Variants in DST observed in about 807,000 individuals in gnomAD.
DST encodes the protein bullous pemphigoid antigen.
DST carries 253 observed loss-of-function variants against 875.2 expected under a neutral mutation model. The ratio of observed to expected loss-of-function variants is 0.29; its 90% CI spans 0.26 to 0.32. The LOEUF (loss-of-function observed/expected upper bound fraction) is 0.32, where lower values mean the gene tolerates loss of function less well. Ranked by LOEUF, DST falls within the 10% of genes least tolerant of loss-of-function variation. The pLI is 1.00. For missense variants in DST, 8,287 were observed against 9,111.6 expected, an observed-to-expected ratio of 0.91 and a Z score of 3.68; for synonymous variants, 3,124 against 3,197.1, an observed-to-expected ratio of 0.98 and a Z score of 0.77.
intron 36 of DST, chr6:56,617,366 T>C (rs752786327): frequency 1.2e-6 from 2 of 1,613,838 alleles, no homozygotes; most frequent in Non-Finnish European, 1.7e-6. Context: ...GTTCTTTTCT[T>C]GTTTTAATGT....
At position 56,949,933 on chromosome 6, in the gene DST, C is replaced by T. The variant is rs1474864483; in HGVS notation, c.216+3852G>A. 2.0e-5 allele frequency among the ~76,000 whole-genome samples: 3 copies of T among 152,286 alleles called. No individual in the cohort carries two copies. In the East Asian group the frequency reaches 5.8e-4, roughly 29 times the overall value. ...GAGGAACATAATGAGGACAACAGGG[C>T]TTAGGTGGACCATTGTTTCATTTAG... On this transcript the variant is annotated intron_variant, in intron 2 of 103. Transcript: ENST00000680361.
At chr6:56,920,907 T>A (rs1803854662) in intron 2 of DST, among the ~76,000 whole-genome samples, 1 of 136,470 alleles carries the variant, frequency 7.3e-6, no homozygotes, top group Non-Finnish European at 1.6e-5. Context: ...TTTTTTTTTT[T>A]TTTTTTTTTT....
chr6:56,817,913 T>C, intron 4 of DST, among the ~76,000 whole-genome samples: 1 of 152,184 alleles, frequency 6.6e-6, no homozygotes, highest in East Asian at 1.9e-4. Flanking sequence ...GAGACTAGCC[T>C]GGATTATCCA....
At position 56,557,460 on chromosome 6, in the gene DST, T is replaced by G; in HGVS notation, c.14499A>C (p.Glu4833Asp). 1 of 1,613,712 alleles carries G rather than the reference T, an allele frequency of 6.2e-7. No homozygotes were observed. The highest frequency in any genetic ancestry group is 2.2e-5 in the East Asian group (1 of 44,870). The change falls in exon 59 of 104, where the codon GAA becomes GAC. Residue 4833 changes from glutamate (E) to aspartate (D), a missense_variant. Glu to Asp is a conservative substitution (Grantham distance 45). Coordinates refer to ENST00000680361, the MANE Select transcript of DST (RefSeq NM_001374736.1). ...GGAACTGGGTTAGATTATTGGAGGA[T>G]TCTTCCAGTTTTTGTTGTCTATCAA... ...LTIDRQQKLE[E>D]SSNNLTQFQT...
intron 61 of DST, among the ~76,000 whole-genome samples, chr6:56,550,121 C>A (rs1459447349): frequency 6.6e-6 from 1 of 152,280 alleles, no homozygotes; most frequent in East Asian, 1.9e-4. Flanking sequence ...GGAATACACA[C>A]ACACACATAC....
In DST at chr6:56,486,387, AGGATTTTTTC is replaced by A. The variant is rs2095567170; in HGVS notation, c.21047+707_21047+716del. ...CAAAAAAAAAAAAAAAAAAAAAAAA[AGGATTTTTTC>A]AAAACTAACATGACAAAAACTTACT... On this transcript the variant is annotated intron_variant, in intron 87 of 103. Coordinates refer to ENST00000680361, the MANE Select transcript of DST (RefSeq NM_001374736.1). 2.2e-3 allele frequency among the ~76,000 whole-genome samples: 326 copies of A among 148,280 alleles called. 14 individuals are homozygous for A. The highest frequency in any genetic ancestry group is 3.7e-3 in the Non-Finnish European group (247 of 66,832).
At chr6:56,824,341 C>G (rs926888303) in intron 4 of DST, among the ~76,000 whole-genome samples, 2 of 152,196 alleles carry the variant, frequency 1.3e-5, no homozygotes, top group African/African-American at 4.8e-5. Context: ...AATGCAGTGG[C>G]GTGATCTCGG....
At chr6:56,933,519 C>T (rs1017705013) in intron 2 of DST, among the ~76,000 whole-genome samples, 10 of 152,152 alleles carry the variant, frequency 6.6e-5, no homozygotes, top group African/African-American at 2.4e-4. Context: ...GGTGAGCAGG[C>T]CCCAGTTAGT....
rs560363435 is a variant in DST, at chr6:56,618,871, G to A, written c.4930-4387C>T. On this transcript the variant is annotated intron_variant, in intron 36 of 103. Transcript: ENST00000680361. ...CCTCTATGGTCTTTAAGTGTAATTC[G>A]TCTTGTACTTTTTTCAACCTGTTAT... 55 of 1,614,006 alleles carry A rather than the reference G, an allele frequency of 3.4e-5. No individual in the cohort carries two copies. In the South Asian group the frequency reaches 4.4e-4, roughly 13 times the overall value.
chr6:56,576,863 GCCT>G (rs1476693051), intron 50 of DST, among the ~76,000 whole-genome samples: 1 of 152,232 alleles, frequency 6.6e-6, no homozygotes, highest in East Asian at 1.9e-4. Flanking sequence ...CTGATTTCCA[GCCT>G]CCAGAACTAT....
At chr6:56,778,722 T>C (rs1335461733) in intron 4 of DST, among the ~76,000 whole-genome samples, 1 of 152,050 alleles carries the variant, frequency 6.6e-6, no homozygotes, top group Non-Finnish European at 1.5e-5. Context: ...CTCATCATTT[T>C]TTATGGCTGT....
Position 56,649,594 on chromosome 6 carries a change from G to A in DST, c.1435-905C>T, listed in dbSNP as rs553440856. 4.6e-5 allele frequency among the ~76,000 whole-genome samples: 7 copies of A among 151,194 alleles called. No individual in the cohort carries two copies. In the South Asian group the frequency reaches 8.4e-4, roughly 18 times the overall value. ...TATTGATGGGGGGAGGTGAGTGGGGGTGCTGAAAGAGTGGATAAAAGGGGA... is the reference window on the plus strand; with the variant it reads ...TATTGATGGGGGGAGGTGAGTGGGGATGCTGAAAGAGTGGATAAAAGGGGA... On this transcript the variant is annotated intron_variant, in intron 12 of 103. Coordinates refer to ENST00000680361, the MANE Select transcript of DST (RefSeq NM_001374736.1).
chr6:56,838,051 T>C (rs2099795792), intron 4 of DST, among the ~76,000 whole-genome samples: 1 of 152,064 alleles, frequency 6.6e-6, no homozygotes, highest in African/African-American at 2.4e-5. Context: ...TATTAAGAGC[T>C]AAGAAATGGA....
intron 9 of DST, among the ~76,000 whole-genome samples, chr6:56,683,690 A>C (rs567792480): frequency 6.6e-6 from 1 of 152,320 alleles, no homozygotes; most frequent in South Asian, 2.1e-4. Context: ...TCAGAAACAC[A>C]CGTCTCCTGC....
At chr6:56,471,999 A>G (rs2094921491) in intron 94 of DST, 60 bp downstream of exon 94, 2 of 1,548,156 alleles carry the variant, frequency 1.3e-6, no homozygotes, top group South Asian at 1.1e-5. Context: ...GGCAATGGCA[A>G]TGTGTTATGA....
At chr6:56,550,313 T>A (rs2097301016) in intron 61 of DST, among the ~76,000 whole-genome samples, 1 of 152,160 alleles carries the variant, frequency 6.6e-6, no homozygotes, top group Non-Finnish European at 1.5e-5. Flanking sequence ...TGAATTTCAA[T>A]AAAATCAATC....
At chr6:56,753,236 C>T (rs1589666841) in intron 4 of DST, among the ~76,000 whole-genome samples, 1 of 152,124 alleles carries the variant, frequency 6.6e-6, no homozygotes, top group Non-Finnish European at 1.5e-5. Flanking sequence ...TGAATGGCTA[C>T]ACTAGAATAA....
At chr6:56,858,832 C>T (rs1769401217) in intron 3 of DST, among the ~76,000 whole-genome samples, 1 of 152,172 alleles carries the variant, frequency 6.6e-6, no homozygotes, top group African/African-American at 2.4e-5. Context: ...TTTTCACTGA[C>T]TATCTTATTT....
chr6:56,830,585 GTCTAAATGTACAACCC>G (rs921802829), intron 4 of DST, among the ~76,000 whole-genome samples: 3 of 152,070 alleles, frequency 2.0e-5, no homozygotes, highest in Admixed American at 6.5e-5. Context: ...TAGTTTTTCT[GTCTAAATGTACAACCC>G]TCTAATTTTA....
Sources: allele counts gnomAD v4.1 joint callset (sites outside exome capture counted in the v4.1 genomes callset), GRCh38; gene constraint gnomAD v4.1.1; transcripts MANE v1.5; gene names NCBI Gene and HGNC (gene_info 2026-07-23, HGNC 2026-07-21).